Variants in TP63 observed in about 807,000 individuals in gnomAD.
TP63 encodes the protein tumor protein 63.
TP63 carries 17 observed loss-of-function variants against 82.8 expected under a neutral mutation model. That is an observed-to-expected ratio of 0.21 (90% CI 0.14 to 0.31). TP63 has a LOEUF of 0.31. TP63 is among the 10% of genes least tolerant of loss of function. The pLI, the probability that TP63 is intolerant of heterozygous loss-of-function variation, is 1.00. For missense variants in TP63, 648 were observed against 895.3 expected, an observed-to-expected ratio of 0.72 and a Z score of 3.52; for synonymous variants, 330 against 321.7, an observed-to-expected ratio of 1.03 and a Z score of -0.28.
chr3:189,831,307 G>A (rs1013119337), intron 4 of TP63, among the ~76,000 whole-genome samples: 8 of 151,964 alleles, frequency 5.3e-5, no homozygotes, highest in South Asian at 4.1e-4. Flanking sequence ...TTTATTTTCC[G>A]TCTAATCGAT....
chr3:189,644,422 T>A (rs746682802), intron 1 of TP63, among the ~76,000 whole-genome samples: 1 of 152,210 alleles, frequency 6.6e-6, no homozygotes, highest in Admixed American at 6.5e-5. Context: ...TATTCACTTA[T>A]GAGTTTCTGT....
intron 1 of TP63, among the ~76,000 whole-genome samples, chr3:189,667,168 ATT>A (rs11439554): frequency 0.34 from 41,373 of 121,662 alleles, 6,686 homozygotes; most frequent in Middle Eastern, 0.45. Context: ...AGAAGTTAGA[ATT>A]TTTTTTTTTT....
chr3:189,793,089 A>G (rs1020478800), intron 3 of TP63, among the ~76,000 whole-genome samples: 1 of 152,052 alleles, frequency 6.6e-6, no homozygotes, highest in Admixed American at 6.6e-5. Flanking sequence ...GCCAGGTCGT[A>G]TTCCTCACTC....
chr3:189,615,533 A>G, the TP63 span, among the ~76,000 whole-genome samples: 17 of 152,108 alleles, frequency 1.1e-4, no homozygotes, highest in African/African-American at 3.6e-4. Flanking sequence ...CATTAACATA[A>G]TTTTATGTGT....
At chr3:189,730,078 T>C (rs1720051801) in intron 1 of TP63, among the ~76,000 whole-genome samples, 1 of 152,170 alleles carries the variant, frequency 6.6e-6, no homozygotes. Flanking sequence ...AGGTGGATAA[T>C]GAAGGCTTAA....
chr3:189,884,050 A>G (rs1362303596), intron 10 of TP63, among the ~76,000 whole-genome samples: 1 of 152,144 alleles, frequency 6.6e-6, no homozygotes, highest in Non-Finnish European at 1.5e-5. Flanking sequence ...TGGTTTGAGG[A>G]GGGACAGATA....
chr3:189,630,025 C>T (rs1729403970), upstream of TP63, among the ~76,000 whole-genome samples: 1 of 152,126 alleles, frequency 6.6e-6, no homozygotes, highest in Non-Finnish European at 1.5e-5. Flanking sequence ...AGATGTTAGC[C>T]GCTCTCGGGC....
chr3:189,714,488 G>A (rs1019788456), intron 1 of TP63, among the ~76,000 whole-genome samples: 4 of 152,186 alleles, frequency 2.6e-5, no homozygotes, highest in African/African-American at 7.2e-5. Flanking sequence ...CTGTTAAAGT[G>A]TATGTTCGTA....
intron 4 of TP63, among the ~76,000 whole-genome samples, chr3:189,820,482 A>G (rs372379619): frequency 5.3e-5 from 8 of 152,002 alleles, no homozygotes; most frequent in African/African-American, 1.9e-4. Flanking sequence ...GGTTTTATAG[A>G]CTCTTTTCTC....
chr3:189,770,377 C>G (rs1275369956), intron 3 of TP63, among the ~76,000 whole-genome samples: 2 of 152,068 alleles, frequency 1.3e-5, no homozygotes, highest in Non-Finnish European at 2.9e-5. Flanking sequence ...TCAGCCTGGC[C>G]AACATGGTGA....
intron 11 of TP63, among the ~76,000 whole-genome samples, chr3:189,887,351 C>T (rs1720558633): frequency 6.6e-6 from 1 of 152,070 alleles, no homozygotes; most frequent in South Asian, 2.1e-4. Context: ...CATTTTATGT[C>T]TGTTACTCTA....
chr3:189,665,950 T>TA lies in TP63; in HGVS notation c.62+34379dup, dbSNP rs140627825. Among the ~76,000 whole-genome samples the TA allele has an allele frequency of 9.6e-3, 1,466 of 152,156 alleles. 95 individuals carry two copies. The East Asian group carries it at 0.18, about 18-fold the overall frequency. On this transcript the variant is annotated intron_variant, in intron 1 of 13. Coordinates refer to ENST00000264731, the MANE Select transcript of TP63 (RefSeq NM_003722.5). Reference sequence around the variant, plus strand: ...CAACATGAAATGCAACCAGAAACTTTAAAAAAGTGTAAGCACTGCAAATAT... The same window carrying TA: ...CAACATGAAATGCAACCAGAAACTTTAAAAAAAGTGTAAGCACTGCAAATAT...
rs755276333 is a variant in TP63 at position 189,631,585 on chromosome 3, T to C, written c.62+8T>C. ...TGACCCTTACATCCAGCGGTGAGTT[T>C]GAATGTGACATAACTTCTCTCAAAA... On this transcript the variant is annotated splice_region_variant and intron_variant, in intron 1 of 13. Transcript: ENST00000264731. 1 of 1,612,812 alleles carries C rather than the reference T, an allele frequency of 6.2e-7. No individual in the cohort carries two copies. Among genetic ancestry groups the C allele is most frequent in the Non-Finnish European group, 8.5e-7 (1 of 1,179,062 alleles).
In TP63 at chr3:189,886,518, C is replaced by A. The variant is rs1241133005; in HGVS notation, c.1474C>A (p.Pro492Thr). ...CCCTCAGCAGCGCAACGCCCTCACTCCTACAACCATTCCTGATGGCATGGG... is the reference window on the plus strand; with the variant it reads ...CCCTCAGCAGCGCAACGCCCTCACTACTACAACCATTCCTGATGGCATGGG... Reference protein sequence around the residue: ...INPQQRNALTPTTIPDGMGAN... With the variant: ...INPQQRNALTTTTIPDGMGAN... Residue 492 changes from proline (P) to threonine (T), a missense_variant, in exon 11 of 14, where the codon CCT becomes ACT. Around this residue, in one of 5 missense-constraint regions of TP63, gnomAD observed 342 missense variants for 425.7 expected, o/e 0.80. Coordinates refer to ENST00000264731, the MANE Select transcript of TP63 (RefSeq NM_003722.5). The A allele has an allele frequency of 6.2e-7, 1 of 1,613,990 alleles. No individual in the cohort carries two copies. Among genetic ancestry groups the A allele is most frequent in the Admixed American group, 1.7e-5 (1 of 60,006 alleles).
At chr3:189,662,132 T>C (rs1322501155) in intron 1 of TP63, among the ~76,000 whole-genome samples, 1 of 152,104 alleles carries the variant, frequency 6.6e-6, no homozygotes, top group Non-Finnish European at 1.5e-5. Flanking sequence ...TTTTTGTTTT[T>C]ATAGTTCCTT....
intron 4 of TP63, among the ~76,000 whole-genome samples, chr3:189,821,495 G>A (rs544403033): frequency 4.7e-4 from 72 of 152,276 alleles, no homozygotes; most frequent in African/African-American, 1.7e-3. Context: ...TTACCACATG[G>A]AGGATGCTTC....
At chr3:189,757,165 A>G (rs1453752185) in intron 3 of TP63, among the ~76,000 whole-genome samples, 1 of 152,220 alleles carries the variant, frequency 6.6e-6, no homozygotes, top group African/African-American at 2.4e-5. Context: ...TGAGAAAACT[A>G]TTAAGATCCA....
chr3:189,637,323 T>C (rs796954893), intron 1 of TP63, among the ~76,000 whole-genome samples: 10 of 152,268 alleles, frequency 6.6e-5, no homozygotes, highest in African/African-American at 2.4e-4. Flanking sequence ...GCTGTATTGT[T>C]CAGTTCTACT....
intron 4 of TP63, among the ~76,000 whole-genome samples, chr3:189,850,247 C>T (rs865953188): frequency 1.3e-5 from 2 of 152,070 alleles, no homozygotes; most frequent in Non-Finnish European, 2.9e-5. Flanking sequence ...ATACCACTTC[C>T]CTCCAGCCTG....
Sources: gnomAD v4.1 joint callset for allele counts (sites outside exome capture counted in the v4.1 genomes callset) on GRCh38, gnomAD v4.1.1 for gene constraint, gnomAD v4.1.1 regional missense constraint, MANE v1.5 for transcripts, NCBI Gene and HGNC (gene_info 2026-07-23, HGNC 2026-07-21) for gene names.